Variants in AGAP3 observed in about 807,000 individuals in gnomAD.
AGAP3 encodes arf-GAP with GTPase, ANK repeat and PH domain-containing protein 3.
In AGAP3, 24 loss-of-function variants were observed where a neutral mutation model predicts 96.9. The observed-to-expected ratio is 0.25, with a 90% CI of 0.18 to 0.35. The LOEUF (loss-of-function observed/expected upper bound fraction) is 0.35. Among genes scored for constraint, AGAP3 ranks in the 10% least tolerant of loss-of-function variants. The pLI is 1.00. For synonymous variants in AGAP3, 563 were observed against 536.1 expected, an observed-to-expected ratio of 1.05 and a Z score of -0.69; for missense variants, 876 against 1,254.2, an observed-to-expected ratio of 0.70 and a Z score of 4.55.
chr7:151,096,039 C>T lies in AGAP3; in HGVS notation c.331+8967C>T, dbSNP rs909985078. ...CCTTAACCCCTCTGTGTCTTAGCTT[C>T]GCCATTGGTAAAACATGGGCATCCG... On this transcript the variant is annotated intron_variant, in intron 1 of 17. Coordinates refer to ENST00000397238, the MANE Select transcript of AGAP3 (RefSeq NM_031946.7). The surrounding 1 kb of genome is among the most constrained non-coding windows in gnomAD (Gnocchi z 4.4). Among the ~76,000 whole-genome samples, 3 of 152,238 alleles carry T rather than the reference C, an allele frequency of 2.0e-5. No individual in the cohort carries two copies. Among genetic ancestry groups the T allele is most frequent in the Non-Finnish European group, 4.4e-5 (3 of 68,048 alleles).
intron 1 of AGAP3, among the ~76,000 whole-genome samples, chr7:151,100,365 C>A (rs1420136944): frequency 6.6e-6 from 1 of 152,200 alleles, no homozygotes; most frequent in African/African-American, 2.4e-5. Context: ...GCTCTGTGCC[C>A]TGCACTTCTC....
Position 151,123,917 on chromosome 7 carries a change from G to A in AGAP3, c.1221+31G>A, listed in dbSNP as rs759252956. The A allele has an allele frequency of 1.9e-5, 31 of 1,593,258 alleles. No individual in the cohort carries two copies. In the Admixed American group the frequency reaches 4.9e-4, roughly 25 times the overall value. ...CGCCTCCCTTCCCGTGTGCTCCAGGGCTCAGAATGAGGCCCAGGAATGTGG... is the reference window on the plus strand; with the variant it reads ...CGCCTCCCTTCCCGTGTGCTCCAGGACTCAGAATGAGGCCCAGGAATGTGG... On this transcript the variant is annotated intron_variant, in intron 9 of 17. Coordinates refer to ENST00000397238, the MANE Select transcript of AGAP3 (RefSeq NM_031946.7).
intron 1 of AGAP3, among the ~76,000 whole-genome samples, chr7:151,104,999 G>A (rs964263626): frequency 6.6e-6 from 1 of 152,232 alleles, no homozygotes; most frequent in Non-Finnish European, 1.5e-5. Context: ...GCGTGAGCAG[G>A]AGCTGGGAAG....
Position 151,143,661 on chromosome 7 carries a change from C to T in AGAP3, c.2529+65C>T, listed in dbSNP as rs1447086097. On this transcript the variant is annotated intron_variant, in intron 17 of 17. Coordinates refer to ENST00000397238, the MANE Select transcript of AGAP3 (RefSeq NM_031946.7). This position sits in a 1 kb window ranked among gnomAD's most constrained non-coding sequence, Gnocchi z 5.9. Reference sequence around the variant, plus strand: ...CTTAGCCTTGTTCTTTGAAAGCAACCTCTTCTTTCCTCCCCTACAACCAAT... The same window carrying T: ...CTTAGCCTTGTTCTTTGAAAGCAACTTCTTCTTTCCTCCCCTACAACCAAT... The T allele has an allele frequency of 1.2e-6, 2 of 1,605,150 alleles. No individual in the cohort carries two copies. The highest frequency in any genetic ancestry group is 1.3e-5 in the African/African-American group (1 of 74,886).
At chr7:151,130,771 T>G (rs915054025) in intron 10 of AGAP3, among the ~76,000 whole-genome samples, 8 of 152,054 alleles carry the variant, frequency 5.3e-5, no homozygotes, top group Admixed American at 6.5e-5. Flanking sequence ...CTCACAGCTC[T>G]CCGTGGAGCT....
At chr7:151,122,367 G>GC (rs1414111051) in intron 8 of AGAP3, among the ~76,000 whole-genome samples, 3 of 152,218 alleles carry the variant, frequency 2.0e-5, no homozygotes, top group Non-Finnish European at 4.4e-5. Context: ...GTGGCCCTGT[G>GC]TCCCCTCGCT....
rs1239297065 is a variant in AGAP3, at chr7:151,133,495, C to T, written c.1327-905C>T. Among the ~76,000 whole-genome samples the T allele has an allele frequency of 7.0e-6, 1 of 143,252 alleles. No individual in the cohort carries two copies. Among genetic ancestry groups the T allele is most frequent in the African/African-American group, 2.5e-5 (1 of 39,958 alleles). 94.0% of individuals were successfully genotyped at this position (143,252 alleles called of 152,430 possible). On this transcript the variant is annotated intron_variant, in intron 10 of 17. Transcript: ENST00000397238. The surrounding 1 kb of genome is among the most constrained non-coding windows in gnomAD (Gnocchi z 5.4). ...TGGGGGGAGTCCAAGCACAAAGTGG[C>T]CCCCCATCTCCGGGGCCCTGACTTG...
At chr7:151,126,828 A>G (rs1181585306) in intron 9 of AGAP3, among the ~76,000 whole-genome samples, 1 of 152,226 alleles carries the variant, frequency 6.6e-6, no homozygotes, top group Non-Finnish European at 1.5e-5. Flanking sequence ...TAGTGCCGCT[A>G]GTTTTCAGAA....
chr7:151,122,624 C>A, intron 8 of AGAP3: 4 of 1,416,878 alleles, frequency 2.8e-6, no homozygotes, highest in East Asian at 4.8e-5. Context: ...CCGCTGCCGC[C>A]GCTCCCCAGG....
Position 151,117,112 on chromosome 7 carries a change from G to A in AGAP3, c.408G>A (p.Leu136=), listed in dbSNP as rs759850829. Residue 136 remains leucine (L), a synonymous_variant, in exon 3 of 18, where the codon CTG becomes CTA. Transcript: ENST00000397238. ...PELKVGIVGN[L]SSGKSALVHR... is the part of the protein sequence containing the mutation. ...TCCCGCAGGGCATAGTGGGGAACCT[G>A]TCTAGCGGGAAGTCAGCCCTGGTGC... is the stretch of plus-strand genomic sequence containing the variant. 1.9e-6 allele frequency: 3 copies of A among 1,614,116 alleles called. 1 individual carries two copies. The South Asian group carries it at 3.3e-5, about 18-fold the overall frequency.
intron 1 of AGAP3, chr7:151,087,284 T>C: frequency 1.7e-6 from 1 of 594,288 alleles, no homozygotes; most frequent in Non-Finnish European, 3.0e-6. Flanking sequence ...GGGGGTTTTC[T>C]GCTGACTGTG....
chr7:151,111,429 G>A (rs1052755200), intron 1 of AGAP3, among the ~76,000 whole-genome samples: 2 of 152,172 alleles, frequency 1.3e-5, no homozygotes, highest in African/African-American at 4.8e-5. Flanking sequence ...GGGCTGCAGC[G>A]GGCACAGCCA....
At chr7:151,104,999 G>C (rs964263626) in intron 1 of AGAP3, among the ~76,000 whole-genome samples, 4 of 152,232 alleles carry the variant, frequency 2.6e-5, no homozygotes, top group African/African-American at 9.6e-5. Flanking sequence ...GCGTGAGCAG[G>C]AGCTGGGAAG....
At position 151,141,788 on chromosome 7, in the gene AGAP3, G is replaced by GTCCT; in HGVS notation, c.1805-110_1805-109insTCCT. 7.0e-7 allele frequency: 1 copy of GTCCT among 1,429,172 alleles called. No individual in the cohort carries two copies. The highest frequency in any genetic ancestry group is 9.8e-7 in the Non-Finnish European group (1 of 1,020,046). The allele number at this position is 1,429,172 out of a possible 1,614,324, so 88.5% of individuals were successfully genotyped here. Reference sequence around the variant, plus strand: ...GCCTTGCAGCTGGGGAAGGGTCTAGGGGAGGACACTTGCCAGTGGAGCAGG... The same window carrying GTCCT: ...GCCTTGCAGCTGGGGAAGGGTCTAGGTCCTGGAGGACACTTGCCAGTGGAGCAGG... On this transcript the variant is annotated intron_variant, in intron 13 of 17. Coordinates refer to ENST00000397238, the MANE Select transcript of AGAP3 (RefSeq NM_031946.7). This position sits in a 1 kb window ranked among gnomAD's most constrained non-coding sequence, Gnocchi z 4.2.
intron 1 of AGAP3, among the ~76,000 whole-genome samples, chr7:151,105,235 C>G (rs1350624750): frequency 6.6e-6 from 1 of 152,192 alleles, no homozygotes; most frequent in Admixed American, 6.5e-5. Flanking sequence ...GAACAGTCTT[C>G]TGTTTCTTTT....
chr7:151,134,430 A>G lies in AGAP3; in HGVS notation c.1357A>G (p.Ile453Val). 1 of 1,613,476 alleles carries G rather than the reference A, an allele frequency of 6.2e-7. No homozygotes were observed. Among genetic ancestry groups the G allele is most frequent in the Non-Finnish European group, 8.5e-7 (1 of 1,180,004 alleles). The change falls in exon 11 of 18, where the codon ATT becomes GTT. Residue 453 changes from isoleucine (I) to valine (V), a missense_variant. Coordinates refer to ENST00000397238, the MANE Select transcript of AGAP3 (RefSeq NM_031946.7). Reference protein sequence around the residue: ...DYMQNIHGKEIDLLRTTVKVP... With the variant: ...DYMQNIHGKEVDLLRTTVKVP... ...CATGCAGAACATCCACGGCAAGGAG[A>G]TTGACCTGCTGCGGACAACGGTGAA...
In AGAP3 at chr7:151,119,989, C is replaced by T. The variant is rs746127260; in HGVS notation, c.972C>T (p.Ala324=). 1.2e-6 allele frequency: 2 copies of T among 1,613,602 alleles called. No homozygotes were observed. The highest frequency in any genetic ancestry group is 1.7e-6 in the Non-Finnish European group (2 of 1,179,892). Residue 324 remains alanine, a splice_region_variant and synonymous_variant, in exon 8 of 18, where the codon GCC becomes GCT. Transcript: ENST00000397238. ...TCAGCAGCCCTCTTTGTCCTTAGGC[C>T]ACGAATGGCGGCGGCAGCGCCTTCA... is the stretch of plus-strand genomic sequence containing the variant. ...ASIPAVHINQ[A]TNGGGSAFSD...
At position 151,114,582 on chromosome 7, in the gene AGAP3, G is replaced by C. The variant is rs1414425165; in HGVS notation, c.332-2211G>C. 9.2e-6 allele frequency: 4 copies of C among 436,464 alleles called. No homozygotes were observed. Among genetic ancestry groups the C allele is most frequent in the Non-Finnish European group, 1.2e-5 (4 of 327,060 alleles). The allele number at this position is 436,464 out of a possible 1,614,324, so 27.0% of individuals were successfully genotyped here. A position where few individuals can be genotyped will look rare whatever the true frequency, so the allele number is the denominator to read the frequency against. On this transcript the variant is annotated intron_variant, in intron 1 of 17. Coordinates refer to ENST00000397238, the MANE Select transcript of AGAP3 (RefSeq NM_031946.7). The surrounding 1 kb of genome is among the most constrained non-coding windows in gnomAD (Gnocchi z 4.4). The stretch of plus-strand genomic sequence containing the variant: ...GGCCAGACTTGCCGCCTCTCTCTCC[G>C]GGCTGGGCTGACTCCCGGCCTCTCC...
Position 151,094,273 on chromosome 7 carries a change from G to T in AGAP3, c.331+7201G>T, listed in dbSNP as rs62490309. ...TGTGTAAGGGAATGCTGTTTATTACGTGCCGCCTTGTACGCTTGTCTCGTT... is the reference window on the plus strand; with the variant it reads ...TGTGTAAGGGAATGCTGTTTATTACTTGCCGCCTTGTACGCTTGTCTCGTT... On this transcript the variant is annotated intron_variant, in intron 1 of 17. Coordinates refer to ENST00000397238, the MANE Select transcript of AGAP3 (RefSeq NM_031946.7). Among the ~76,000 whole-genome samples, 2 of 152,160 alleles carry T rather than the reference G, an allele frequency of 1.3e-5. 1 individual carries two copies. The highest frequency in any genetic ancestry group is 4.2e-4 in the South Asian group (2 of 4,812).
Sources: allele counts gnomAD v4.1 joint callset (sites outside exome capture counted in the v4.1 genomes callset), GRCh38; gene constraint gnomAD v4.1.1; non-coding constraint Gnocchi (gnomAD v3.1); transcripts MANE v1.5; gene names NCBI Gene and HGNC (gene_info 2026-07-23, HGNC 2026-07-21).